CHRNA1: variants seen among roughly 807,000 people sequenced by gnomAD.
CHRNA1 encodes the protein cholinergic receptor nicotinic alpha 1 subunit.
CHRNA1 carries 35 observed loss-of-function variants against 47.1 expected under a neutral mutation model. The ratio of observed to expected loss-of-function variants is 0.74; its 90% confidence interval spans 0.57 to 0.99. The LOEUF (loss-of-function observed/expected upper bound fraction) is 0.99, where lower values mean the gene tolerates loss of function less well. Among genes scored for constraint, CHRNA1 ranks in the 50% least tolerant of loss-of-function variants. The probability of loss-of-function intolerance (pLI) is 0.00; values close to 1 mark genes in which losing one functional copy is unlikely to be tolerated. For synonymous variants in CHRNA1, 229 were observed against 223.6 expected, an observed-to-expected ratio of 1.02 and a Z score of -0.22; for missense variants, 506 against 591.1, an observed-to-expected ratio of 0.86 and a Z score of 1.49.
chr2:174,759,540 C>A lies in CHRNA1; in HGVS notation c.137G>T (p.Arg46Leu). ...GCCCACGGTGACCTCCACGACCTGG[C>A]GGTGGTCTTCCACTGGCCGCACCAC... The part of the protein sequence containing the change: ...SSVVRPVEDH[R>L]QVVEVTVGLQ... Residue 46 changes from arginine (R) to leucine (L), a missense_variant, in exon 2 of 9, where the codon CGC becomes CTC. Physicochemically the swap from Arg to Leu is moderately radical, Grantham distance 102. Transcript: ENST00000348749. 6.2e-7 allele frequency: 1 copy of A among 1,614,072 alleles called. No individual in the cohort carries two copies.
chr2:174,759,572 G>A lies in CHRNA1; in HGVS notation c.105C>T (p.Tyr35=), dbSNP rs772697720. ...CTTCCACTGGCCGCACCACGCTGCT[G>A]TAGTCTTTAAATAGCTTTGCCACCA... ...TRLVAKLFKD[Y]SSVVRPVEDH... Residue 35 remains tyrosine (Y), a synonymous_variant, in exon 2 of 9, where the codon TAC becomes TAT. Transcript: ENST00000348749. 5.0e-6 allele frequency: 8 copies of A among 1,614,074 alleles called. No homozygotes were observed. In the South Asian group the frequency reaches 7.7e-5, roughly 16 times the overall value.
intron 1 of CHRNA1, among the ~76,000 whole-genome samples, chr2:174,761,079 G>T (rs1684092163): frequency 6.6e-6 from 1 of 152,194 alleles, no homozygotes. Flanking sequence ...TTTGTGCTGA[G>T]CTTCTGGGCT....
rs1684130162 is a variant in CHRNA1 at position 174,763,310 on chromosome 2, GCATGTGTGTGCACGCGCGCGCA to G, written c.43+1020_43+1041del. ...CCTGTGACTGTGGTTTTGCGTGCAC[GCATGTGTGTGCACGCGCGCGCA>G]CACACACACACACACACACACACAC... is the stretch of plus-strand genomic sequence containing the variant. On this transcript the variant is annotated intron_variant, in intron 1 of 8. Transcript: ENST00000348749. 3.4e-5 allele frequency among the ~76,000 whole-genome samples: 4 copies of G among 115,968 alleles called. No individual in the cohort carries two copies. The South Asian group carries it at 9.9e-4, about 29-fold the overall frequency. The allele number at this position is 115,968 out of a possible 152,430, so 76.1% of individuals were successfully genotyped here. A position where few individuals can be genotyped will look rare whatever the true frequency, so the allele number is the denominator to read the frequency against.
At chr2:174,757,539 C>A in intron 4 of CHRNA1, 27 bp downstream of exon 4, 2 of 1,568,630 alleles carry the variant, frequency 1.3e-6, no homozygotes, top group Non-Finnish European at 1.8e-6. Context: ...CCAGGAGCAC[C>A]CTCCGCCACC....
Position 174,753,423 on chromosome 2 carries a change from A to G in CHRNA1, c.778+80T>C. On this transcript the variant is annotated intron_variant, in intron 6 of 8. Coordinates refer to ENST00000348749, the MANE Select transcript of CHRNA1 (RefSeq NM_000079.4). Reference sequence around the variant, plus strand: ...GGTCGATCTGCCTGTTTGTTAGCACATGATTATTTCTGGCTTCCCCAAAAT... The same window carrying G: ...GGTCGATCTGCCTGTTTGTTAGCACGTGATTATTTCTGGCTTCCCCAAAAT... 2.2e-6 allele frequency: 3 copies of G among 1,346,764 alleles called. No individual in the cohort carries two copies. In the East Asian group the frequency reaches 6.9e-5, roughly 31 times the overall value. 83.4% of individuals were successfully genotyped at this position (1,346,764 alleles called of 1,614,324 possible). A position where few individuals can be genotyped will look rare whatever the true frequency, so the allele number is the denominator to read the frequency against.
Position 174,759,603 on chromosome 2 carries a change from G to A in CHRNA1, c.74C>T (p.Thr25Ile), listed in dbSNP as rs753460555. The change falls in exon 2 of 9, where the codon ACC becomes ATC. Residue 25 changes from threonine to isoleucine, a missense_variant. Coordinates refer to ENST00000348749, the MANE Select transcript of CHRNA1 (RefSeq NM_000079.4). ...TTTAAATAGCTTTGCCACCAGACGGGTCTCATGTTCGGAGCCCAGGACGAG... is the reference window on the plus strand; with the variant it reads ...TTTAAATAGCTTTGCCACCAGACGGATCTCATGTTCGGAGCCCAGGACGAG... Reference protein sequence around the residue: ...AGLVLGSEHETRLVAKLFKDY... With the variant: ...AGLVLGSEHEIRLVAKLFKDY... 4 of 1,613,860 alleles carry A rather than the reference G, an allele frequency of 2.5e-6. No homozygotes were observed. Among genetic ancestry groups the A allele is most frequent in the African/African-American group, 1.3e-5 (1 of 74,974 alleles).
At chr2:174,761,547 T>C (rs1574013084) in intron 1 of CHRNA1, among the ~76,000 whole-genome samples, 1 of 152,118 alleles carries the variant, frequency 6.6e-6, no homozygotes, top group East Asian at 1.9e-4. Context: ...ACTCCTGAGC[T>C]CAAGCCATCC....
At position 174,754,544 on chromosome 2, in the gene CHRNA1, G is replaced by A. The variant is rs142609209; in HGVS notation, c.345-130C>T. 8,480 of 800,694 alleles carry A rather than the reference G, an allele frequency of 0.011. 99 individuals are homozygous for A. Among genetic ancestry groups the A allele is most frequent in the Non-Finnish European group, 0.013 (6,229 of 479,262 alleles). 49.6% of individuals were successfully genotyped at this position (800,694 alleles called of 1,614,324 possible). Reference sequence around the variant, plus strand: ...TTATAGAAGCTCTGTTTCGGGCAGCGTCACTTTTTATCTATTGCAATGTTC... The same window carrying A: ...TTATAGAAGCTCTGTTTCGGGCAGCATCACTTTTTATCTATTGCAATGTTC... On this transcript the variant is annotated intron_variant, in intron 4 of 8. Transcript: ENST00000348749.
At chr2:174,762,797 C>T (rs1684122756) in intron 1 of CHRNA1, among the ~76,000 whole-genome samples, 1 of 152,206 alleles carries the variant, frequency 6.6e-6, no homozygotes. Flanking sequence ...AGAAGGGAAA[C>T]TCAACCACAG....
intron 1 of CHRNA1, among the ~76,000 whole-genome samples, chr2:174,764,079 C>A (rs1344830638): frequency 6.6e-6 from 1 of 152,112 alleles, no homozygotes; most frequent in Non-Finnish European, 1.5e-5. Context: ...AGGGATGAGT[C>A]GGCTGCCAGG....
At chr2:174,763,167 C>G (rs1684127553) in intron 1 of CHRNA1, among the ~76,000 whole-genome samples, 1 of 152,168 alleles carries the variant, frequency 6.6e-6, no homozygotes, top group Admixed American at 6.5e-5. Flanking sequence ...GAGATTTGAC[C>G]TAAATACATA....
rs1325807704 is a variant in CHRNA1, at chr2:174,748,908, G to A, written c.1003-89C>T. 1.3e-5 allele frequency: 20 copies of A among 1,553,000 alleles called. No individual in the cohort carries two copies. In the South Asian group the frequency reaches 2.1e-4, roughly 16 times the overall value. On this transcript the variant is annotated intron_variant, in intron 7 of 8. Transcript: ENST00000348749. ...CTTTGAATTATCAATGTGATTTGGG[G>A]TAAGTCATTCAGTTTTTCTGGGCTT...
chr2:174,753,876 T>G, intron 5 of CHRNA1, 136 bp from the exon 6 acceptor site: 8 of 847,508 alleles, frequency 9.4e-6, no homozygotes, highest in Non-Finnish European at 1.6e-5. Context: ...GGGACACTAC[T>G]GCTTTGGGGT....
chr2:174,752,103 C>T (rs1206788468), intron 6 of CHRNA1, among the ~76,000 whole-genome samples: 3 of 152,000 alleles, frequency 2.0e-5, no homozygotes, highest in Non-Finnish European at 4.4e-5. Context: ...GTGGATCATG[C>T]CTGTAATCCT....
At chr2:174,753,852 C>G in intron 5 of CHRNA1, 112 bp from the exon 6 acceptor site, 1 of 998,526 alleles carries the variant, frequency 1.0e-6, no homozygotes, top group Non-Finnish European at 1.5e-6. Context: ...GGTCACACAC[C>G]CAGGAGGGAC....
chr2:174,749,628 A>T (rs956651078), intron 7 of CHRNA1, among the ~76,000 whole-genome samples: 1 of 152,208 alleles, frequency 6.6e-6, no homozygotes, highest in Admixed American at 6.5e-5. Context: ...GAAAACATAC[A>T]AAAGAAATCG....
At chr2:174,756,835 T>C (rs1683988538) in intron 4 of CHRNA1, among the ~76,000 whole-genome samples, 1 of 152,172 alleles carries the variant, frequency 6.6e-6, no homozygotes, top group Admixed American at 6.5e-5. Flanking sequence ...TGTTGTATAA[T>C]GTCAGACCAT....
At chr2:174,759,251 C>T in intron 3 of CHRNA1, 80 bp downstream of exon 3, 2 of 1,355,286 alleles carry the variant, frequency 1.5e-6, no homozygotes, top group Non-Finnish European at 2.1e-6. Flanking sequence ...TCCCTGTTAC[C>T]CATATTGATT....
At chr2:174,754,087 A>G in intron 5 of CHRNA1, 132 bp downstream of exon 5, 1 of 877,670 alleles carries the variant, frequency 1.1e-6, no homozygotes, top group Non-Finnish European at 1.9e-6. Context: ...TTCCCAATCA[A>G]CTTGAACCAT....
Sources: gnomAD v4.1 joint callset for allele counts (sites outside exome capture counted in the v4.1 genomes callset) on GRCh38, gnomAD v4.1.1 for gene constraint, MANE v1.5 for transcripts, NCBI Gene and HGNC (gene_info 2026-07-23, HGNC 2026-07-21) for gene names.